Variants in DSG4 observed in about 807,000 individuals in gnomAD.
The protein encoded by DSG4 is desmoglein-4.
Under a neutral mutation model 93.1 loss-of-function variants are expected in DSG4, and 87 were observed. The ratio of observed to expected loss-of-function variants is 0.93; its 90% CI spans 0.79 to 1.12. DSG4 has a LOEUF of 1.12. DSG4 is among the 50% of genes most tolerant of loss of function. The pLI, the probability that DSG4 is intolerant of heterozygous loss-of-function variation, is 0.00. For synonymous variants in DSG4, 432 were observed against 452.9 expected, an observed-to-expected ratio of 0.95 and a Z score of 0.59; for missense variants, 1,373 against 1,285.7, an observed-to-expected ratio of 1.07 and a Z score of -1.04.
intron 7 of DSG4, 103 bp downstream of exon 7, chr18:31,391,315 A>G: frequency 2.0e-6 from 3 of 1,472,502 alleles, no homozygotes; most frequent in South Asian, 2.3e-5. Context: ...GTTCTGTCCT[A>G]TGTGTGGACA....
At position 31,386,832 on chromosome 18, in the gene DSG4, G is replaced by C; in HGVS notation, c.216+13G>C. The C allele has an allele frequency of 1.9e-6, 3 of 1,612,844 alleles. No individual in the cohort carries two copies. The highest frequency in any genetic ancestry group is 2.2e-5 in the East Asian group (1 of 44,850). ...CCCCATTGCCAAAGTAAGTGATGAA[G>C]CAATCTGATGACAAATGCTTTTGCA... On this transcript the variant is annotated intron_variant, in intron 3 of 15. Coordinates refer to ENST00000308128, the MANE Select transcript of DSG4 (RefSeq NM_177986.5).
At chr18:31,400,083 A>T (rs564596356) in intron 9 of DSG4, among the ~76,000 whole-genome samples, 19 of 152,312 alleles carry the variant, frequency 1.2e-4, no homozygotes, top group African/African-American at 3.8e-4. Context: ...AGGTACCTAG[A>T]TTATATGTGA....
chr18:31,410,967 T>C (rs2072481096), intron 14 of DSG4: 3 of 1,003,434 alleles, frequency 3.0e-6, no homozygotes, highest in Middle Eastern at 3.2e-4. Flanking sequence ...TGGCTAGTTC[T>C]ACACCTTTAA....
At chr18:31,392,858 G>A (rs1409527520) in intron 8 of DSG4, among the ~76,000 whole-genome samples, 1 of 152,176 alleles carries the variant, frequency 6.6e-6, no homozygotes, top group Admixed American at 6.6e-5. Flanking sequence ...CAAGTTCAGG[G>A]CATGGTGAGC....
In DSG4 at chr18:31,401,176, C is replaced by T. The variant is rs113571398; in HGVS notation, c.1417+156C>T. On this transcript the variant is annotated intron_variant, in intron 10 of 15. Coordinates refer to ENST00000308128, the MANE Select transcript of DSG4 (RefSeq NM_177986.5). ...AACACCTTAAATCAAGAATTGAAGT[C>T]AATTAAAATCATAATTTACACTGAA... is the stretch of plus-strand genomic sequence containing the variant. Among the ~76,000 whole-genome samples the T allele has an allele frequency of 7.9e-3, 1,206 of 152,208 alleles. 18 individuals carry two copies. The highest frequency in any genetic ancestry group is 0.028 in the African/African-American group (1,148 of 41,542).
At chr18:31,391,509 A>G (rs1010243032) in intron 7 of DSG4, among the ~76,000 whole-genome samples, 3 of 152,170 alleles carry the variant, frequency 2.0e-5, no homozygotes, top group African/African-American at 4.8e-5. Context: ...GGAATAACAT[A>G]GCAACATTAA....
intron 14 of DSG4, 105 bp from the exon 15 acceptor site, chr18:31,411,126 C>A (rs1171383660): frequency 6.2e-7 from 1 of 1,611,380 alleles, no homozygotes; most frequent in African/African-American, 1.3e-5. Flanking sequence ...AGCGCCTACG[C>A]CTTGCCGGGT....
intron 12 of DSG4, among the ~76,000 whole-genome samples, chr18:31,407,376 G>A (rs1424928874): frequency 6.6e-6 from 1 of 152,176 alleles, no homozygotes; most frequent in African/African-American, 2.4e-5. Flanking sequence ...TAGCCTCTGG[G>A]CTCTGGGTGA....
intron 1 of DSG4, among the ~76,000 whole-genome samples, chr18:31,381,843 G>A (rs999431086): frequency 2.4e-5 from 3 of 124,616 alleles, no homozygotes; most frequent in Non-Finnish European, 3.5e-5. Context: ...TTTTTTTTTT[G>A]TATTTTTAGT....
intron 3 of DSG4, 36 bp from the exon 4 acceptor site, chr18:31,388,331 T>C (rs1568062857): frequency 5.6e-6 from 9 of 1,610,684 alleles, no homozygotes; most frequent in Non-Finnish European, 7.6e-6. Context: ...TTATCTGCTC[T>C]AAACTGGATC....
chr18:31,408,525 T>A (rs2072451971), intron 12 of DSG4, among the ~76,000 whole-genome samples: 1 of 152,256 alleles, frequency 6.6e-6, no homozygotes, highest in African/African-American at 2.4e-5. Context: ...GCAACTTTGA[T>A]AGTCTCTTCT....
In DSG4 at chr18:31,401,145, G is replaced by A. The variant is rs371618223; in HGVS notation, c.1417+125G>A. 3,303 of 729,920 alleles carry A rather than the reference G, an allele frequency of 4.5e-3. 145 individuals are homozygous for A. In the South Asian group the frequency reaches 0.088, roughly 19 times the overall value. The allele number at this position is 729,920 out of a possible 1,614,324, so 45.2% of individuals were successfully genotyped here. On this transcript the variant is annotated intron_variant, in intron 10 of 15. Transcript: ENST00000308128. Reference sequence around the variant, plus strand: ...ATGGTGTATGCAAGACTTATGGAAAGCCCTAAACACCTTAAATCAAGAATT... The same window carrying A: ...ATGGTGTATGCAAGACTTATGGAAAACCCTAAACACCTTAAATCAAGAATT...
chr18:31,381,642 G>C (rs1231599086), intron 1 of DSG4, among the ~76,000 whole-genome samples: 1 of 152,042 alleles, frequency 6.6e-6, no homozygotes, highest in Non-Finnish European at 1.5e-5. Context: ...GAAATTAGCA[G>C]AGACATAAAT....
chr18:31,411,853 A>T (rs184354558), intron 15 of DSG4, among the ~76,000 whole-genome samples: 1 of 152,128 alleles, frequency 6.6e-6, no homozygotes, highest in East Asian at 1.9e-4. Flanking sequence ...CCAACAGAAA[A>T]GAGAAAATAA....
intron 1 of DSG4, among the ~76,000 whole-genome samples, chr18:31,380,497 C>A (rs1035938377): frequency 6.6e-6 from 1 of 152,162 alleles, no homozygotes; most frequent in African/African-American, 2.4e-5. Context: ...TGGAGGGAAA[C>A]CTTCAGACAT....
chr18:31,378,937 G>A (rs2072105481), intron 1 of DSG4, among the ~76,000 whole-genome samples: 1 of 152,088 alleles, frequency 6.6e-6, no homozygotes, highest in Non-Finnish European at 1.5e-5. Context: ...GGGCATCATT[G>A]CAGCTTACAC....
At position 31,389,085 on chromosome 18, in the gene DSG4, G is replaced by A. The variant is rs967755657; in HGVS notation, c.517+67G>A. ...ACTTCTCTTGGTCAAAAGCTTTAGA[G>A]GACTGACATACAGGAAATGTAAAGG... is the stretch of plus-strand genomic sequence containing the variant. On this transcript the variant is annotated intron_variant, in intron 5 of 15. Coordinates refer to ENST00000308128, the MANE Select transcript of DSG4 (RefSeq NM_177986.5). 10 of 1,565,196 alleles carry A rather than the reference G, an allele frequency of 6.4e-6. No homozygotes were observed. The Admixed American group carries it at 1.7e-4, about 26-fold the overall frequency.
intron 8 of DSG4, among the ~76,000 whole-genome samples, 184 bp from the exon 9 acceptor site, chr18:31,399,088 A>G (rs1432259261): frequency 1.3e-5 from 2 of 152,212 alleles, no homozygotes; most frequent in Non-Finnish European, 2.9e-5. Flanking sequence ...ATGCTAAAAG[A>G]TGAACAGAAA....
At chr18:31,379,147 A>G (rs1367133518) in intron 1 of DSG4, among the ~76,000 whole-genome samples, 1 of 152,202 alleles carries the variant, frequency 6.6e-6, no homozygotes, top group Non-Finnish European at 1.5e-5. Context: ...GTTCTTCTAT[A>G]AAACAGACAG....
Sources: allele counts gnomAD v4.1 joint callset (sites outside exome capture counted in the v4.1 genomes callset), GRCh38; gene constraint gnomAD v4.1.1; transcripts MANE v1.5; gene names NCBI Gene and HGNC (gene_info 2026-07-23, HGNC 2026-07-21).